EYS: variants seen among roughly 807,000 people sequenced by gnomAD.
EYS encodes the protein protein eyes shut homolog.
In EYS, 250 loss-of-function variants were observed where a neutral mutation model predicts 282.1. That is an observed-to-expected ratio of 0.89 (90% confidence interval 0.80 to 0.98). The LOEUF (loss-of-function observed/expected upper bound fraction) is 0.98, where lower values mean the gene tolerates loss of function less well. EYS is among the 50% of genes least tolerant of loss of function. EYS has a pLI of 0.00. For synonymous variants in EYS, 1,355 were observed against 1,282.9 expected (o/e 1.06, Z -1.20); for missense variants, 4,016 against 3,709.0 (o/e 1.08, Z -2.15).
intron 24 of EYS, among the ~76,000 whole-genome samples, chr6:64,596,336 A>ATATT (rs1359982365): frequency 1.3e-5 from 2 of 152,206 alleles, no homozygotes; most frequent in Admixed American, 1.3e-4. Context: ...AAGACCAATG[A>ATATT]TATTTTTCAG....
intron 12 of EYS, among the ~76,000 whole-genome samples, chr6:65,224,309 A>G (rs1186500890): frequency 2.0e-5 from 3 of 152,188 alleles, no homozygotes; most frequent in African/African-American, 7.2e-5. Context: ...CTCTTAACCA[A>G]TCAGTCAAAG....
At chr6:65,149,900 G>C (rs1764570754) in intron 12 of EYS, among the ~76,000 whole-genome samples, 1 of 151,960 alleles carries the variant, frequency 6.6e-6, no homozygotes, top group Non-Finnish European at 1.5e-5. Context: ...CACATGGCTG[G>C]GGAGGCTCAG....
chr6:65,449,799 A>G (rs899272312), intron 5 of EYS, among the ~76,000 whole-genome samples: 1 of 150,974 alleles, frequency 6.6e-6, no homozygotes. Context: ...CTTCAATTCT[A>G]CTCTTCTCTG....
chr6:64,658,423 G>A (rs1334252484), intron 22 of EYS, among the ~76,000 whole-genome samples: 1 of 152,118 alleles, frequency 6.6e-6, no homozygotes, highest in Non-Finnish European at 1.5e-5. Context: ...AGGAGGAGAG[G>A]TACTCTGATT....
intron 26 of EYS, among the ~76,000 whole-genome samples, chr6:64,553,271 A>G (rs1431325057): frequency 6.6e-6 from 1 of 152,146 alleles, no homozygotes; most frequent in Non-Finnish European, 1.5e-5. Context: ...CTTAATTATC[A>G]TGAGCATAGT....
At chr6:64,931,706 T>C (rs7753625) in intron 15 of EYS, among the ~76,000 whole-genome samples, 109,305 of 151,912 alleles carry the variant, frequency 0.72, 40,332 homozygotes, top group African/African-American at 0.89. Context: ...TAACTAAAAC[T>C]TTGTGGACAG....
At chr6:65,024,353 G>T (rs1561926858) in intron 13 of EYS, among the ~76,000 whole-genome samples, 1 of 152,124 alleles carries the variant, frequency 6.6e-6, no homozygotes, top group Non-Finnish European at 1.5e-5. Flanking sequence ...CCAAGTCATT[G>T]TATCCTCACA....
At chr6:65,318,948 T>C (rs2150304025) in intron 11 of EYS, among the ~76,000 whole-genome samples, 1 of 151,644 alleles carries the variant, frequency 6.6e-6, no homozygotes, top group African/African-American at 2.4e-5. Flanking sequence ...AGGCTGGTCA[T>C]AGTTTTGTTG....
intron 26 of EYS, among the ~76,000 whole-genome samples, chr6:64,559,389 T>C (rs1000410542): frequency 6.6e-6 from 1 of 151,470 alleles, no homozygotes; most frequent in Non-Finnish European, 1.5e-5. Context: ...GAAGTCCTCG[T>C]CTCAAGGGAT....
chr6:65,205,611 C>A (rs1182918851), intron 12 of EYS, among the ~76,000 whole-genome samples: 1 of 151,876 alleles, frequency 6.6e-6, no homozygotes, highest in African/African-American at 2.4e-5. Flanking sequence ...TTTTTCTCAT[C>A]TACACATGGA....
intron 28 of EYS, among the ~76,000 whole-genome samples, chr6:64,434,199 C>A (rs1774663347): frequency 1.3e-5 from 2 of 151,906 alleles, no homozygotes; most frequent in African/African-American, 2.4e-5. Context: ...CATCTACAAG[C>A]AAAAGGAGAC....
rs374986503 is a variant in EYS at position 64,471,627 on chromosome 6, A to C, written c.5645-32275T>G. ...AGGATACTCAATGCTCATGGATCAG[A>C]AGAATTAATATTTTTTAAATGAACA... On this transcript the variant is annotated intron_variant, in intron 26 of 42. Coordinates refer to ENST00000503581, the MANE Select transcript of EYS (RefSeq NM_001142800.2). Among the ~76,000 whole-genome samples the C allele has an allele frequency of 2.2e-4, 33 of 152,308 alleles. 1 individual carries two copies. The East Asian group carries it at 5.8e-3, about 27-fold the overall frequency.
intron 34 of EYS, among the ~76,000 whole-genome samples, chr6:63,992,653 C>A (rs1767654224): frequency 6.6e-6 from 1 of 151,040 alleles, no homozygotes; most frequent in Non-Finnish European, 1.5e-5. Context: ...TACAAAAAAA[C>A]AAAAAATGAA....
intron 2 of EYS, among the ~76,000 whole-genome samples, chr6:65,505,413 C>G (rs1271335003): frequency 3.3e-5 from 5 of 151,476 alleles, no homozygotes; most frequent in Admixed American, 1.3e-4. Context: ...TTACTGAGCT[C>G]TATTCTAATT....
intron 22 of EYS, among the ~76,000 whole-genome samples, chr6:64,642,727 C>T (rs375704471): frequency 1.1e-4 from 16 of 152,314 alleles, no homozygotes; most frequent in African/African-American, 3.8e-4. Context: ...ACAACAACAA[C>T]AAAACCTATG....
At chr6:65,460,632 G>T (rs973388586) in intron 5 of EYS, among the ~76,000 whole-genome samples, 1 of 152,042 alleles carries the variant, frequency 6.6e-6, no homozygotes, top group East Asian at 1.9e-4. Flanking sequence ...GCCAGCTTTA[G>T]TTTACTCAGC....
chr6:63,768,738 T>G (rs1445073680), intron 40 of EYS, among the ~76,000 whole-genome samples: 1 of 152,096 alleles, frequency 6.6e-6, no homozygotes, highest in Non-Finnish European at 1.5e-5. Flanking sequence ...CCCAAAGGAA[T>G]ATAAATCATT....
intron 31 of EYS, among the ~76,000 whole-genome samples, chr6:64,199,892 G>A (rs1253623586): frequency 6.6e-6 from 1 of 152,086 alleles, no homozygotes; most frequent in Non-Finnish European, 1.5e-5. Context: ...GTTTATTGCA[G>A]GTTTTTCATA....
intron 31 of EYS, among the ~76,000 whole-genome samples, chr6:64,130,193 C>A (rs941753531): frequency 1.3e-5 from 2 of 152,090 alleles, no homozygotes; most frequent in East Asian, 3.9e-4. Flanking sequence ...ATGTTTATTG[C>A]GGCACTATTC....
Sources: gnomAD v4.1 joint callset for allele counts (sites outside exome capture counted in the v4.1 genomes callset) on GRCh38, gnomAD v4.1.1 for gene constraint, MANE v1.5 for transcripts, NCBI Gene and HGNC (gene_info 2026-07-23, HGNC 2026-07-21) for gene names.